Variants in NTN5 observed in about 807,000 individuals in gnomAD.
NTN5 encodes the protein netrin-5.
NTN5 carries 42 observed loss-of-function variants against 38.7 expected under a neutral mutation model. The ratio of observed to expected loss-of-function variants is 1.08; its 90% CI spans 0.85 to 1.40. The LOEUF is 1.40. Ranked by LOEUF, NTN5 falls within the 40% of genes most tolerant of loss-of-function variation. NTN5 has a pLI of 0.00. For missense variants in NTN5, 658 were observed against 716.5 expected (o/e 0.92, Z 0.93); for synonymous variants, 329 against 303.9 (o/e 1.08, Z -0.86).
In NTN5 at chr19:48,664,466, C is replaced by T. The variant is rs2031638847; in HGVS notation, c.820+113G>A. On this transcript the variant is annotated intron_variant, in intron 3 of 6. Transcript: ENST00000270235. ...CCCTCAGGCCCAGAGTCCAGGCCCC[C>T]AGCCCCTCCTCCCTCAGATCCAGGA... The T allele has an allele frequency of 3.0e-6, 4 of 1,340,728 alleles. No individual in the cohort carries two copies. The South Asian group carries it at 4.5e-5, about 15-fold the overall frequency. The allele number at this position is 1,340,728 out of a possible 1,614,324, so 83.1% of individuals were successfully genotyped here.
intron 2 of NTN5, 52 bp downstream of exon 2, chr19:48,670,304 G>T: frequency 7.3e-7 from 1 of 1,378,680 alleles, no homozygotes; most frequent in South Asian, 1.7e-5. Flanking sequence ...AGGGACAAAG[G>T]ACCCAGTGGC....
At chr19:48,672,035 T>C (rs1362016582) in intron 1 of NTN5, among the ~76,000 whole-genome samples, 3 of 152,088 alleles carry the variant, frequency 2.0e-5, no homozygotes, top group African/African-American at 7.2e-5. Context: ...TCTGGGACTT[T>C]CTGCTCACCT....
intron 6 of NTN5, 54 bp downstream of exon 6, chr19:48,663,409 C>A: frequency 6.7e-7 from 1 of 1,486,888 alleles, no homozygotes; most frequent in Non-Finnish European, 9.4e-7. Flanking sequence ...GGCTTAGAAG[C>A]AGTCATCAGA....
intron 2 of NTN5, among the ~76,000 whole-genome samples, chr19:48,669,502 CACG>C (rs1756004208): frequency 1.2e-5 from 1 of 80,842 alleles, no homozygotes; most frequent in African/African-American, 4.9e-5. Flanking sequence ...TCACCACCAC[CACG>C]ACCATCATCA....
chr19:48,663,984 G>T (rs1240879346), intron 4 of NTN5, among the ~76,000 whole-genome samples, 159 bp downstream of exon 4: 1 of 152,146 alleles, frequency 6.6e-6, no homozygotes, highest in South Asian at 2.1e-4. Context: ...CAAGAGTCCA[G>T]AATTTCAGTC....
intron 2 of NTN5, among the ~76,000 whole-genome samples, chr19:48,669,300 C>T (rs1027329171): frequency 2.9e-5 from 1 of 33,980 alleles, no homozygotes; most frequent in Admixed American, 2.4e-4. Flanking sequence ...ACCACCATCA[C>T]CACCACCACC....
At position 48,661,830 on chromosome 19, in the gene NTN5, G is replaced by A. The variant is rs533809126; in HGVS notation, c.1317C>T (p.Pro439=). The change falls in exon 7 of 7, where the codon CCC becomes CCT. Residue 439 remains proline, a synonymous_variant. Coordinates refer to ENST00000270235, the MANE Select transcript of NTN5 (RefSeq NM_145807.4). ...YLLLGSAVGD[P]DPTRLILDRH... ...GGTCGAGGATGAGGCGCGTGGGGTCGGGGTCGCCCACGGCGCTGCCCAGCA... is the reference window on the plus strand; with the variant it reads ...GGTCGAGGATGAGGCGCGTGGGGTCAGGGTCGCCCACGGCGCTGCCCAGCA... The A allele has an allele frequency of 3.1e-5, 42 of 1,333,784 alleles. No homozygotes were observed. Among genetic ancestry groups the A allele is most frequent in the African/African-American group, 7.9e-5 (5 of 63,664 alleles). The allele number at this position is 1,333,784 out of a possible 1,614,324, so 82.6% of individuals were successfully genotyped here.
In NTN5 at chr19:48,670,676, A is replaced by G. The variant is rs1226627149; in HGVS notation, c.311T>C (p.Leu104Pro). 6.2e-7 allele frequency: 1 copy of G among 1,609,034 alleles called. No homozygotes were observed. ...AGGCCAGGCGGGCCTGTGCCACAGCAGCCTCCAGGGACCCCCTGAGGCCCA... is the reference window on the plus strand; with the variant it reads ...AGGCCAGGCGGGCCTGTGCCACAGCGGCCTCCAGGGACCCCCTGAGGCCCA... ...AAWASGGPWRLLWHRPAWPGA... is the reference protein window; with the variant it reads ...AAWASGGPWRPLWHRPAWPGA... The change falls in exon 2 of 7, where the codon CTG becomes CCG. Residue 104 changes from leucine (L) to proline (P), a missense_variant. Physicochemically the swap from Leu to Pro is moderately conservative, Grantham distance 98 (BLOSUM62 -3). Coordinates refer to ENST00000270235, the MANE Select transcript of NTN5 (RefSeq NM_145807.4).
chr19:48,664,799 G>T, intron 2 of NTN5, 32 bp from the exon 3 acceptor site: 1 of 1,491,222 alleles, frequency 6.7e-7, no homozygotes, highest in South Asian at 1.3e-5. Context: ...GGCGCATCAG[G>T]GCCGAGTGTG....
At position 48,663,506 on chromosome 19, in the gene NTN5, G is replaced by C. The variant is rs746351116; in HGVS notation, c.1062C>G (p.Thr354=). 1 of 1,614,170 alleles carries C rather than the reference G, an allele frequency of 6.2e-7. No homozygotes were observed. The highest frequency in any genetic ancestry group is 8.5e-7 in the Non-Finnish European group (1 of 1,180,026). ...ACCTCCGAAGGCTCATGTGTACCCT[G>C]GTGTCCGACATATTGCAGTAGTTTT... ...QCQNYCNMSD[T]RVHMSLRRYC... The change falls in exon 6 of 7, where the codon ACC becomes ACG. Residue 354 remains threonine (T), a synonymous_variant. Coordinates refer to ENST00000270235, the MANE Select transcript of NTN5 (RefSeq NM_145807.4).
At chr19:48,666,635 A>G (rs192357587) in intron 2 of NTN5, among the ~76,000 whole-genome samples, 5 of 150,760 alleles carry the variant, frequency 3.3e-5, no homozygotes, top group African/African-American at 1.2e-4. Context: ...TCCAGCAAGC[A>G]CTGCAGAGTG....
intron 2 of NTN5, among the ~76,000 whole-genome samples, chr19:48,665,690 G>A (rs1003461074): frequency 2.0e-5 from 3 of 151,710 alleles, no homozygotes; most frequent in Admixed American, 6.6e-5. Flanking sequence ...GTGGTGGCAC[G>A]CGCCTGTAAT....
intron 4 of NTN5, 132 bp from the exon 5 acceptor site, chr19:48,663,946 G>T: frequency 8.9e-7 from 1 of 1,127,198 alleles, no homozygotes; most frequent in Non-Finnish European, 1.3e-6. Context: ...AGCATCCCTT[G>T]CCTTCAGGCC....
chr19:48,668,313 G>A (rs1253454341), intron 2 of NTN5, among the ~76,000 whole-genome samples: 1 of 152,164 alleles, frequency 6.6e-6, no homozygotes, highest in Non-Finnish European at 1.5e-5. Flanking sequence ...TCAGGAAGCC[G>A]TTCCTTTGTG....
chr19:48,664,314 G>C (rs1290694558), intron 3 of NTN5, 22 bp from the exon 4 acceptor site: 1 of 1,607,412 alleles, frequency 6.2e-7, no homozygotes, highest in Non-Finnish European at 8.5e-7. Flanking sequence ...GAGGAGCTGG[G>C]GGCATGGGGT....
chr19:48,672,984 C>T lies in NTN5; in HGVS notation c.-73G>A, dbSNP rs994042232. On this transcript the variant is annotated 5_prime_UTR_variant, in exon 1 of 7. Coordinates refer to ENST00000270235, the MANE Select transcript of NTN5 (RefSeq NM_145807.4). ...GCCAGTTCCCCGCAGGCTCTTCCTC[C>T]AAGCTGTGGCGCGGTGGGCTCTCAG... is the stretch of plus-strand genomic sequence containing the variant. 1.6e-5 allele frequency: 5 copies of T among 311,468 alleles called. No individual in the cohort carries two copies. The highest frequency in any genetic ancestry group is 3.3e-5 in the Non-Finnish European group (5 of 151,850). The allele number at this position is 311,468 out of a possible 1,614,324, so 19.3% of individuals were successfully genotyped here.
rs115919347 is a variant in NTN5 at position 48,661,687 on chromosome 19, G to A, written c.1460C>T (p.Pro487Leu). ...GVRAPTPSPR[P>L]EH ...AGCCCCATCTCACGTCTAGTGCTCC[G>A]GCCTGGGACTGGGTGTGGGTGCCCG... The change falls in exon 7 of 7, where the codon CCG (proline) becomes CTG (leucine). Residue 487 changes from proline (P) to leucine (L), a missense_variant. Pro to Leu is a moderately conservative substitution (Grantham distance 98). Transcript: ENST00000270235. 2.1e-3 allele frequency: 3,185 copies of A among 1,552,406 alleles called. 51 individuals carry two copies. The African/African-American group carries it at 0.035, about 17-fold the overall frequency.
At position 48,661,665 on chromosome 19, in the gene NTN5, C is replaced by T. The variant is rs945857365; in HGVS notation, c.*12G>A. On this transcript the variant is annotated 3_prime_UTR_variant, in exon 7 of 7. Coordinates refer to ENST00000270235, the MANE Select transcript of NTN5 (RefSeq NM_145807.4). ...TTACTTTGTTGGTGCTCGAGGCAGC[C>T]CCATCTCACGTCTAGTGCTCCGGCC... 9 of 1,530,734 alleles carry T rather than the reference C, an allele frequency of 5.9e-6. No individual in the cohort carries two copies. The highest frequency in any genetic ancestry group is 1.7e-4 in the Middle Eastern group (1 of 5,784). 94.8% of individuals were successfully genotyped at this position (1,530,734 alleles called of 1,614,324 possible).
chr19:48,661,800 G>A lies in NTN5; in HGVS notation c.1347C>T (p.His449=). 7.3e-7 allele frequency: 1 copy of A among 1,361,956 alleles called. No homozygotes were observed. Among genetic ancestry groups the A allele is most frequent in the Non-Finnish European group, 9.4e-7 (1 of 1,064,176 alleles). The allele number at this position is 1,361,956 out of a possible 1,614,324, so 84.4% of individuals were successfully genotyped here. The stretch of plus-strand genomic sequence containing the variant: ...GCGGCCTCCATGGCAGCGCGAGGCC[G>A]TGGCGGTCGAGGATGAGGCGCGTGG... The part of the protein sequence containing the change: ...PDPTRLILDR[H]GLALPWRPRW... The change falls in exon 7 of 7, where the codon CAC becomes CAT. Residue 449 remains histidine, a synonymous_variant. Transcript: ENST00000270235.
Sources: gnomAD v4.1 joint callset for allele counts (sites outside exome capture counted in the v4.1 genomes callset) on GRCh38, gnomAD v4.1.1 for gene constraint, MANE v1.5 for transcripts, NCBI Gene and HGNC (gene_info 2026-07-23, HGNC 2026-07-21) for gene names.